Variants in LIN52 observed in about 807,000 individuals in gnomAD.
The protein encoded by LIN52 is protein lin-52 homolog.
LIN52 carries 4 observed loss-of-function variants against 18.5 expected under a neutral mutation model. That is an observed-to-expected ratio of 0.22 (90% CI 0.11 to 0.49). The LOEUF (loss-of-function observed/expected upper bound fraction) is 0.49, where lower values mean the gene tolerates loss of function less well. LIN52 is among the 20% of genes least tolerant of loss of function. LIN52 has a pLI of 0.97. For synonymous variants in LIN52, 34 were observed against 45.5 expected (o/e 0.75, Z 1.02); for missense variants, 102 against 139.5 (o/e 0.73, Z 1.35).
rs1284920011 is a variant in LIN52, at chr14:74,124,668, G to A, written c.283+23430G>A. The stretch of plus-strand genomic sequence containing the variant: ...TCTGCAAAAAATGCAAAATTAGCTG[G>A]GCATGGTGATGTGCACCTATAATCC... On this transcript the variant is annotated intron_variant, in intron 5 of 5. Coordinates refer to ENST00000555028, the MANE Select transcript of LIN52 (RefSeq NM_001024674.3). 4.0e-5 allele frequency among the ~76,000 whole-genome samples: 6 copies of A among 151,858 alleles called. No homozygotes were observed. The East Asian group carries it at 1.2e-3, about 29-fold the overall frequency.
At chr14:74,181,631 A>C (rs1595189393) in intron 5 of LIN52, among the ~76,000 whole-genome samples, 1 of 125,170 alleles carries the variant, frequency 8.0e-6, no homozygotes. Context: ...AAGCAGGTTA[A>C]GCTGTAGAGT....
chr14:74,174,365 G>A (rs1040678962), intron 5 of LIN52: 1 of 152,164 alleles, frequency 6.6e-6, no homozygotes, highest in Non-Finnish European at 1.5e-5. Context: ...TGTACAGTAT[G>A]TTACTGTACT....
chr14:74,107,565 G>A (rs1028008683), intron 5 of LIN52, among the ~76,000 whole-genome samples: 1 of 151,932 alleles, frequency 6.6e-6, no homozygotes, highest in African/African-American at 2.4e-5. Flanking sequence ...TTTGTAAGGT[G>A]CTTTTACCAT....
At chr14:74,116,201 A>G (rs2060963596) in intron 5 of LIN52, among the ~76,000 whole-genome samples, 1 of 151,886 alleles carries the variant, frequency 6.6e-6, no homozygotes, top group Non-Finnish European at 1.5e-5. Flanking sequence ...TACTGGGGAG[A>G]CTGAGGCATG....
chr14:74,105,161 A>G lies in LIN52; in HGVS notation c.283+3923A>G, dbSNP rs75021467. Reference sequence around the variant, plus strand: ...TTTAATGACTTTCAATGGAATCAAAAACTTGGTGTGGCATTTGTTATTTTT... The same window carrying G: ...TTTAATGACTTTCAATGGAATCAAAGACTTGGTGTGGCATTTGTTATTTTT... On this transcript the variant is annotated intron_variant, in intron 5 of 5. Coordinates refer to ENST00000555028, the MANE Select transcript of LIN52 (RefSeq NM_001024674.3). 1.8e-3 allele frequency among the ~76,000 whole-genome samples: 273 copies of G among 152,332 alleles called. 7 individuals carry two copies. The East Asian group carries it at 0.045, about 25-fold the overall frequency.
intron 5 of LIN52, among the ~76,000 whole-genome samples, chr14:74,105,410 G>A (rs2060890958): frequency 6.6e-6 from 1 of 152,104 alleles, no homozygotes; most frequent in Non-Finnish European, 1.5e-5. Context: ...AATTTCCATA[G>A]CATTGCTTTG....
intron 5 of LIN52, among the ~76,000 whole-genome samples, chr14:74,180,896 CCAA>C (rs1250927547): frequency 1.3e-5 from 2 of 151,682 alleles, no homozygotes; most frequent in Admixed American, 1.3e-4. Flanking sequence ...ATCACTTGAG[CCAA>C]GGAGTTCAAG....
chr14:74,194,502 G>A (rs920827671), intron 5 of LIN52, among the ~76,000 whole-genome samples: 7 of 152,170 alleles, frequency 4.6e-5, no homozygotes, highest in African/African-American at 1.7e-4. Context: ...GAGGAACTAC[G>A]AAAGTGGTGG....
Position 74,195,822 on chromosome 14 carries a change from C to A in LIN52, c.284-3100C>A, listed in dbSNP as rs375629987. On this transcript the variant is annotated intron_variant, in intron 5 of 5. Transcript: ENST00000555028. Reference sequence around the variant, plus strand: ...TGTAGCAGGTCGGTAAGAATCTTCGCCCTGCAGCAGAGCAAGGATAAAGAA... The same window carrying A: ...TGTAGCAGGTCGGTAAGAATCTTCGACCTGCAGCAGAGCAAGGATAAAGAA... 3.3e-5 allele frequency among the ~76,000 whole-genome samples: 5 copies of A among 152,212 alleles called. No individual in the cohort carries two copies. The East Asian group carries it at 9.7e-4, about 29-fold the overall frequency.
chr14:74,097,425 CTTTTTT>C (rs35249058), intron 3 of LIN52, among the ~76,000 whole-genome samples: 3 of 133,576 alleles, frequency 2.2e-5, no homozygotes, highest in Non-Finnish European at 1.6e-5. Flanking sequence ...TTTTCTTTTT[CTTTTTT>C]TTTTTTTTTT....
chr14:74,175,044 T>TAATAATAATAATAATAATA (rs71115966), intron 5 of LIN52, among the ~76,000 whole-genome samples: 1 of 148,488 alleles, frequency 6.7e-6, no homozygotes, highest in Non-Finnish European at 1.5e-5. Flanking sequence ...ATAATAATAA[T>TAATAATAATAATAATAATA]GTACACCTGT....
intron 5 of LIN52, among the ~76,000 whole-genome samples, chr14:74,161,963 C>T (rs1421958744): frequency 2.0e-5 from 3 of 152,178 alleles, no homozygotes; most frequent in Admixed American, 6.5e-5. Flanking sequence ...GAAATGTAGC[C>T]TGCTGTTGGG....
In LIN52 at chr14:74,175,709, CAT is replaced by C. The variant is rs1236390238; in HGVS notation, c.284-23211_284-23210del. 2.3e-4 allele frequency among the ~76,000 whole-genome samples: 18 copies of C among 78,606 alleles called. 1 individual carries two copies. Among genetic ancestry groups the C allele is most frequent in the Middle Eastern group, 0.012 (2 of 172 alleles). The allele number at this position is 78,606 out of a possible 152,430, so 51.6% of individuals were successfully genotyped here. On this transcript the variant is annotated intron_variant, in intron 5 of 5. Transcript: ENST00000555028. Reference sequence around the variant, plus strand: ...AAGATCCCATCTCTTAACACAGACACATACACACACACACACACACACACACA... The same window carrying C: ...AAGATCCCATCTCTTAACACAGACACACACACACACACACACACACACACA...
chr14:74,199,178 T>G lies in LIN52; in HGVS notation c.*201T>G, dbSNP rs961318566. On this transcript the variant is annotated 3_prime_UTR_variant, in exon 6 of 6. Coordinates refer to ENST00000555028, the MANE Select transcript of LIN52 (RefSeq NM_001024674.3). ...AGAATCTGCTCTACCCAAGGATCAT[T>G]GCAGTTACTCAATCAACTTTCAGAC... is the stretch of plus-strand genomic sequence containing the variant. 10 of 457,300 alleles carry G rather than the reference T, an allele frequency of 2.2e-5. No homozygotes were observed. In the South Asian group the frequency reaches 4.2e-4, roughly 19 times the overall value. The allele number at this position is 457,300 out of a possible 1,614,324, so 28.3% of individuals were successfully genotyped here. A position where few individuals can be genotyped will look rare whatever the true frequency, so the allele number is the denominator to read the frequency against.
intron 5 of LIN52, among the ~76,000 whole-genome samples, chr14:74,138,209 A>C (rs1359138757): frequency 6.6e-6 from 1 of 152,212 alleles, no homozygotes; most frequent in Non-Finnish European, 1.5e-5. Context: ...CAGAAAACAG[A>C]GGGAAAAGTG....
At chr14:74,103,733 GTTTTTTT>G (rs573188668) in intron 5 of LIN52, among the ~76,000 whole-genome samples, 575 of 45,934 alleles carry the variant, frequency 0.013, 10 homozygotes, top group African/African-American at 0.029. Flanking sequence ...GGCCTGGCCA[GTTTTTTT>G]TTTTTTTTTT....
intron 5 of LIN52, among the ~76,000 whole-genome samples, chr14:74,185,126 T>G (rs1215976034): frequency 6.6e-6 from 1 of 151,904 alleles, no homozygotes; most frequent in Non-Finnish European, 1.5e-5. Flanking sequence ...TAGGCACTAA[T>G]AGTACTCATT....
At chr14:74,125,312 T>C (rs900570266) in intron 5 of LIN52, among the ~76,000 whole-genome samples, 1 of 152,240 alleles carries the variant, frequency 6.6e-6, no homozygotes, top group Non-Finnish European at 1.5e-5. Context: ...CCATTCTAAC[T>C]GGTGTGAGAT....
rs367818807 is a variant in LIN52, at chr14:74,156,733, C to G, written c.284-42189C>G. Among the ~76,000 whole-genome samples, 8 of 152,292 alleles carry G rather than the reference C, an allele frequency of 5.3e-5. 1 individual carries two copies. In the East Asian group the frequency reaches 9.6e-4, roughly 18 times the overall value. On this transcript the variant is annotated intron_variant, in intron 5 of 5. Transcript: ENST00000555028. The stretch of plus-strand genomic sequence containing the variant: ...AGTCACCTTACAGTTGTAGAGAACA[C>G]TAGACCTTAGTTCCCCTACCTAGCT...
Sources: gnomAD v4.1 joint callset for allele counts (sites outside exome capture counted in the v4.1 genomes callset) on GRCh38, gnomAD v4.1.1 for gene constraint, MANE v1.5 for transcripts, NCBI Gene and HGNC (gene_info 2026-07-23, HGNC 2026-07-21) for gene names.